CACNA2D3: variants seen among roughly 807,000 people sequenced by gnomAD.
CACNA2D3 encodes the protein voltage-dependent calcium channel subunit alpha-2/delta-3.
A neutral mutation model predicts 160.6 loss-of-function variants in CACNA2D3; 60 were observed. The ratio of observed to expected loss-of-function variants is 0.37; its 90% CI spans 0.30 to 0.46. The LOEUF (loss-of-function observed/expected upper bound fraction) is 0.46. CACNA2D3 is among the 20% of genes least tolerant of loss of function. The pLI, the probability that CACNA2D3 is intolerant of heterozygous loss-of-function variation, is 1.00. For missense variants in CACNA2D3, 1,205 were observed against 1,365.0 expected, an observed-to-expected ratio of 0.88 and a Z score of 1.85; for synonymous variants, 558 against 492.9, an observed-to-expected ratio of 1.13 and a Z score of -1.75.
intron 35 of CACNA2D3, among the ~76,000 whole-genome samples, chr3:55,066,224 CTG>C (rs1301901867): frequency 2.0e-5 from 3 of 152,160 alleles, no homozygotes; most frequent in Non-Finnish European, 2.9e-5. Context: ...GAACAGGACA[CTG>C]TGAACAGGGC....
chr3:54,552,678 A>G (rs1027953688), intron 5 of CACNA2D3, among the ~76,000 whole-genome samples: 2 of 152,140 alleles, frequency 1.3e-5, no homozygotes, highest in Admixed American at 1.3e-4. Context: ...GTGCCCCCTA[A>G]GTGGCCATCT....
rs190463772 is a variant in CACNA2D3, at chr3:54,478,521, A to C, written c.382-24971A>C. Among the ~76,000 whole-genome samples, 39 of 151,450 alleles carry C rather than the reference A, an allele frequency of 2.6e-4. No individual in the cohort carries two copies. In the East Asian group the frequency reaches 7.0e-3, roughly 27 times the overall value. ...GTGGCAGGCGCCTGTAGTCCCAGCTATTAGGGAGGCTGAGGCAGGAGAATG... is the reference window on the plus strand; with the variant it reads ...GTGGCAGGCGCCTGTAGTCCCAGCTCTTAGGGAGGCTGAGGCAGGAGAATG... On this transcript the variant is annotated intron_variant, in intron 4 of 37. Transcript: ENST00000474759.
At chr3:54,717,142 G>C (rs1261731531) in intron 11 of CACNA2D3, among the ~76,000 whole-genome samples, 2 of 152,108 alleles carry the variant, frequency 1.3e-5, no homozygotes, top group African/African-American at 2.4e-5. Flanking sequence ...ACATGTCTTT[G>C]AGATGCTGTG....
chr3:54,420,370 A>G (rs1214566493), intron 4 of CACNA2D3, among the ~76,000 whole-genome samples: 1 of 152,242 alleles, frequency 6.6e-6, no homozygotes, highest in Non-Finnish European at 1.5e-5. Context: ...GGCATGAGCC[A>G]CCGCACCTTG....
chr3:54,847,241 G>A (rs1698952976), intron 17 of CACNA2D3, among the ~76,000 whole-genome samples: 1 of 152,232 alleles, frequency 6.6e-6, no homozygotes, highest in Non-Finnish European at 1.5e-5. Flanking sequence ...ATCCCTTTGG[G>A]TTTGTGTGTA....
At chr3:54,610,934 A>AT (rs929689927) in intron 9 of CACNA2D3, among the ~76,000 whole-genome samples, 1 of 151,682 alleles carries the variant, frequency 6.6e-6, no homozygotes, top group Non-Finnish European at 1.5e-5. Flanking sequence ...CTGCCTGGAC[A>AT]TTTTTTTTCA....
At chr3:54,912,456 C>G (rs1033946891) in intron 27 of CACNA2D3, among the ~76,000 whole-genome samples, 3 of 152,114 alleles carry the variant, frequency 2.0e-5, no homozygotes, top group East Asian at 1.9e-4. Flanking sequence ...CTTTTGCCCA[C>G]TCAACCACAG....
intron 13 of CACNA2D3, among the ~76,000 whole-genome samples, chr3:54,814,779 C>T (rs762024753): frequency 5.9e-5 from 9 of 151,948 alleles, no homozygotes; most frequent in Admixed American, 1.3e-4. Context: ...ATGGATGAGT[C>T]AAAAAGAGGT....
At chr3:54,221,306 A>C (rs1217024391) in intron 2 of CACNA2D3, among the ~76,000 whole-genome samples, 1 of 152,234 alleles carries the variant, frequency 6.6e-6, no homozygotes, top group Non-Finnish European at 1.5e-5. Flanking sequence ...GTCATGACTA[A>C]AAATTCCAAT....
intron 4 of CACNA2D3, among the ~76,000 whole-genome samples, chr3:54,424,473 G>A (rs1232535685): frequency 6.6e-6 from 1 of 152,212 alleles, no homozygotes; most frequent in African/African-American, 2.4e-5. Context: ...TTTGTGCCTG[G>A]ATGTACATTA....
chr3:54,842,543 T>C (rs765181207), intron 16 of CACNA2D3, among the ~76,000 whole-genome samples: 4 of 152,120 alleles, frequency 2.6e-5, no homozygotes, highest in Non-Finnish European at 5.9e-5. Context: ...GAGGAAGTAC[T>C]GCCTCCAGTT....
chr3:54,315,682 G>T (rs1235610474), intron 2 of CACNA2D3, among the ~76,000 whole-genome samples: 5 of 152,118 alleles, frequency 3.3e-5, no homozygotes, highest in African/African-American at 4.8e-5. Context: ...CAACATGGGG[G>T]TTTGTGAGGA....
At chr3:54,639,403 G>T (rs1040026031) in intron 10 of CACNA2D3, 1 of 152,738 alleles carries the variant, frequency 6.5e-6, no homozygotes. Context: ...AACACCAAGG[G>T]AAGACTGCCT....
chr3:54,195,333 C>T (rs758869390), intron 2 of CACNA2D3, among the ~76,000 whole-genome samples: 1 of 152,178 alleles, frequency 6.6e-6, no homozygotes, highest in African/African-American at 2.4e-5. Context: ...GACCACTGAC[C>T]ATCAGCTCTG....
At chr3:55,028,001 G>T (rs1395581414) in intron 35 of CACNA2D3, among the ~76,000 whole-genome samples, 1 of 152,168 alleles carries the variant, frequency 6.6e-6, no homozygotes, top group East Asian at 1.9e-4. Flanking sequence ...TAAACATTTT[G>T]CTAGAACTAA....
At chr3:54,458,027 C>T (rs942787802) in intron 4 of CACNA2D3, among the ~76,000 whole-genome samples, 2 of 151,966 alleles carry the variant, frequency 1.3e-5, no homozygotes, top group African/African-American at 2.4e-5. Context: ...ATTTTTGTAT[C>T]CATTCTGCCA....
intron 11 of CACNA2D3, among the ~76,000 whole-genome samples, 164 bp from the exon 12 acceptor site, chr3:54,752,435 T>C (rs1017776043): frequency 3.9e-5 from 6 of 152,166 alleles, no homozygotes; most frequent in African/African-American, 1.4e-4. Context: ...CAATTTTGAG[T>C]ACATTTCTAG....
At chr3:54,161,048 T>C (rs1700334275) in intron 2 of CACNA2D3, among the ~76,000 whole-genome samples, 1 of 152,188 alleles carries the variant, frequency 6.6e-6, no homozygotes, top group South Asian at 2.1e-4. Context: ...TGTGTGCAGG[T>C]GGGAAAGGGC....
chr3:54,696,071 G>T (rs562643274), intron 11 of CACNA2D3, among the ~76,000 whole-genome samples: 14 of 152,152 alleles, frequency 9.2e-5, no homozygotes, highest in Non-Finnish European at 1.9e-4. Flanking sequence ...GAGGTGGGAG[G>T]CATGGCCAGG....
Sources: allele counts gnomAD v4.1 joint callset (sites outside exome capture counted in the v4.1 genomes callset), GRCh38; gene constraint gnomAD v4.1.1; transcripts MANE v1.5; gene names NCBI Gene and HGNC (gene_info 2026-07-23, HGNC 2026-07-21).